Variants in PARP8 observed in about 807,000 individuals in gnomAD.
PARP8 encodes protein mono-ADP-ribosyltransferase PARP8.
PARP8 carries 51 observed loss-of-function variants against 124.1 expected under a neutral mutation model. The ratio of observed to expected loss-of-function variants is 0.41; its 90% CI spans 0.33 to 0.52. The LOEUF is 0.52. Among genes scored for constraint, PARP8 ranks in the 20% least tolerant of loss-of-function variants. PARP8 has a pLI of 0.21. For missense variants in PARP8, 860 were observed against 1,018.9 expected (o/e 0.84, Z 2.12); for synonymous variants, 391 against 361.5 (o/e 1.08, Z -0.93).
At position 50,756,464 on chromosome 5, in the gene PARP8, G is replaced by T. The variant is rs1759968901; in HGVS notation, c.185-3179G>T. The stretch of plus-strand genomic sequence containing the variant: ...GTCAAAATAATTTGAGGAAGATTTA[G>T]AAGTAATTAAGCAAGAACAAAAAGC... On this transcript the variant is annotated intron_variant, in intron 3 of 25. Coordinates refer to ENST00000281631, the MANE Select transcript of PARP8 (RefSeq NM_024615.4). Among the ~76,000 whole-genome samples, 5 of 151,958 alleles carry T rather than the reference G, an allele frequency of 3.3e-5. 1 individual carries two copies. In the South Asian group the frequency reaches 8.3e-4, roughly 25 times the overall value.
chr5:50,672,555 C>G (rs184879908), intron 2 of PARP8, among the ~76,000 whole-genome samples: 1 of 152,166 alleles, frequency 6.6e-6, no homozygotes, highest in Non-Finnish European at 1.5e-5. Context: ...GTCCACTTCT[C>G]TGGGTCACAT....
intron 3 of PARP8, among the ~76,000 whole-genome samples, chr5:50,756,687 A>G (rs1459577859): frequency 3.9e-5 from 6 of 152,174 alleles, no homozygotes; most frequent in African/African-American, 4.8e-5. Context: ...GGATGATTTG[A>G]TATATGTATA....
chr5:50,723,300 T>A (rs1452920594), intron 2 of PARP8, among the ~76,000 whole-genome samples: 1 of 152,140 alleles, frequency 6.6e-6, no homozygotes, highest in African/African-American at 2.4e-5. Flanking sequence ...TGGAAAGGTA[T>A]TAAATATCTC....
intron 2 of PARP8, among the ~76,000 whole-genome samples, chr5:50,701,777 A>G (rs558945573): frequency 6.6e-6 from 1 of 152,304 alleles, no homozygotes; most frequent in Admixed American, 6.5e-5. Context: ...GGCTTCAGAT[A>G]GGGTACCTGC....
intron 7 of PARP8, among the ~76,000 whole-genome samples, chr5:50,770,055 T>A (rs1761445950): frequency 1.3e-5 from 2 of 152,160 alleles, no homozygotes; most frequent in African/African-American, 2.4e-5. Flanking sequence ...CTTCCGTGCT[T>A]TTTTGGTAAT....
chr5:50,790,426 C>T (rs2149638291), intron 10 of PARP8, among the ~76,000 whole-genome samples: 1 of 152,186 alleles, frequency 6.6e-6, no homozygotes, highest in Middle Eastern at 3.4e-3. Context: ...GCATGGATGG[C>T]ATTATGCAAG....
At chr5:50,696,788 G>A (rs1753077510) in intron 2 of PARP8, among the ~76,000 whole-genome samples, 1 of 151,918 alleles carries the variant, frequency 6.6e-6, no homozygotes, top group African/African-American at 2.4e-5. Context: ...CCCCTAATCT[G>A]TTGCTTCTTT....
intron 2 of PARP8, chr5:50,738,904 G>A (rs2149530289): frequency 1.5e-6 from 1 of 687,228 alleles, no homozygotes; most frequent in South Asian, 1.5e-5. Context: ...TTGATAATGA[G>A]ACGTAGGCTT....
intron 5 of PARP8, among the ~76,000 whole-genome samples, chr5:50,761,226 A>C (rs1760506038): frequency 6.6e-6 from 1 of 152,082 alleles, no homozygotes; most frequent in Non-Finnish European, 1.5e-5. Flanking sequence ...TTTGTACTTC[A>C]GACACATGGC....
At chr5:50,790,702 C>T (rs1232038217) in intron 10 of PARP8, among the ~76,000 whole-genome samples, 8 of 152,212 alleles carry the variant, frequency 5.3e-5, no homozygotes, top group Middle Eastern at 3.4e-3. Flanking sequence ...ATAATCCCAA[C>T]TCTGAGAAAT....
rs1186026819 is a variant in PARP8 at position 50,829,529 on chromosome 5, G to A, written c.2164-363G>A. Among the ~76,000 whole-genome samples, 3 of 152,104 alleles carry A rather than the reference G, an allele frequency of 2.0e-5. No homozygotes were observed. In the East Asian group the frequency reaches 5.8e-4, roughly 29 times the overall value. On this transcript the variant is annotated intron_variant, in intron 21 of 25. Coordinates refer to ENST00000281631, the MANE Select transcript of PARP8 (RefSeq NM_024615.4). Reference sequence around the variant, plus strand: ...GTATTATTAATGAAAATCTGAGCAGGACGCTTTGTTTATACACTAACATAT... The same window carrying A: ...GTATTATTAATGAAAATCTGAGCAGAACGCTTTGTTTATACACTAACATAT...
chr5:50,800,361 A>C (rs140684775), intron 14 of PARP8, among the ~76,000 whole-genome samples: 1 of 152,300 alleles, frequency 6.6e-6, no homozygotes, highest in African/African-American at 2.4e-5. Context: ...ATATAAAATT[A>C]TGTCTCTTGC....
chr5:50,807,339 A>G (rs1743967196), intron 14 of PARP8, among the ~76,000 whole-genome samples: 1 of 152,042 alleles, frequency 6.6e-6, no homozygotes, highest in African/African-American at 2.4e-5. Flanking sequence ...CTGACACATA[A>G]CATTTTGCAT....
intron 14 of PARP8, among the ~76,000 whole-genome samples, chr5:50,801,696 T>C (rs776422564): frequency 2.0e-5 from 3 of 152,228 alleles, no homozygotes; most frequent in Non-Finnish European, 4.4e-5. Context: ...TATTCTTTGT[T>C]ACCATTATGA....
chr5:50,741,891 C>G (rs1180570797), intron 2 of PARP8: 1 of 439,108 alleles, frequency 2.3e-6, no homozygotes, highest in African/African-American at 2.1e-5. Flanking sequence ...CTCACTGCAA[C>G]CTCCGCCTCC....
chr5:50,757,373 A>C (rs1760081952), intron 3 of PARP8, among the ~76,000 whole-genome samples: 1 of 152,162 alleles, frequency 6.6e-6, no homozygotes, highest in African/African-American at 2.4e-5. Context: ...AATTCTGTCA[A>C]ATAATTGAAC....
chr5:50,724,050 G>A (rs916582458), intron 2 of PARP8, among the ~76,000 whole-genome samples: 2 of 152,004 alleles, frequency 1.3e-5, no homozygotes, highest in Non-Finnish European at 2.9e-5. Flanking sequence ...TCAAACTCCT[G>A]GGCTTAAGTG....
chr5:50,718,954 C>T (rs1250346708), intron 2 of PARP8, among the ~76,000 whole-genome samples: 1 of 152,032 alleles, frequency 6.6e-6, no homozygotes, highest in East Asian at 1.9e-4. Flanking sequence ...TCCGCTTTCT[C>T]TGCATGCTCA....
At chr5:50,840,041 A>G (rs1324602139) in intron 25 of PARP8, among the ~76,000 whole-genome samples, 1 of 151,908 alleles carries the variant, frequency 6.6e-6, no homozygotes, top group Non-Finnish European at 1.5e-5. Context: ...TGTAGGACAG[A>G]TGATGGGGAT....
Sources: gnomAD v4.1 joint callset for allele counts (sites outside exome capture counted in the v4.1 genomes callset) on GRCh38, gnomAD v4.1.1 for gene constraint, MANE v1.5 for transcripts, NCBI Gene and HGNC (gene_info 2026-07-23, HGNC 2026-07-21) for gene names.